SBNO2: variants seen among roughly 807,000 people sequenced by gnomAD.
SBNO2 encodes the protein strawberry notch homolog 2.
In SBNO2, 89 loss-of-function variants were observed where a neutral mutation model predicts 146.3. The observed-to-expected ratio is 0.61, with a 90% confidence interval of 0.51 to 0.73. The LOEUF (loss-of-function observed/expected upper bound fraction) is 0.73. Ranked by LOEUF, SBNO2 falls within the 30% of genes least tolerant of loss-of-function variation. SBNO2 has a pLI of 0.00. For synonymous variants in SBNO2, 1,147 were observed against 892.6 expected (o/e 1.29, Z -5.08); for missense variants, 2,092 against 2,003.7 (o/e 1.04, Z -0.84).
chr19:1,139,900 G>C (rs923740158), intron 4 of SBNO2, among the ~76,000 whole-genome samples: 3 of 152,108 alleles, frequency 2.0e-5, no homozygotes, highest in African/African-American at 7.2e-5. Context: ...AGCCGAGATA[G>C]ATCACACCAT....
intron 14 of SBNO2, 102 bp downstream of exon 14, chr19:1,118,909 C>A (rs1243233245): frequency 6.5e-6 from 8 of 1,232,956 alleles, no homozygotes; most frequent in South Asian, 4.2e-5. Context: ...CAGGACAGGG[C>A]GGGCCGTCAC....
Position 1,111,064 on chromosome 19 carries a change from T to C in SBNO2, c.2839A>G (p.Ile947Val). 2.6e-6 allele frequency: 4 copies of C among 1,562,540 alleles called. No individual in the cohort carries two copies. The highest frequency in any genetic ancestry group is 3.5e-6 in the Non-Finnish European group (4 of 1,154,584). The change falls in exon 25 of 32, where the codon ATT (isoleucine) becomes GTT (valine). Residue 947 changes from isoleucine to valine, a missense_variant. Ile to Val is a conservative substitution (Grantham distance 29, BLOSUM62 3). Coordinates refer to ENST00000361757, the MANE Select transcript of SBNO2 (RefSeq NM_014963.3). ...DMKQGLLSVG[I>V]GGRESRNGCL... ...CCATTCCGGGACTCCCGGCCACCAA[T>C]GCCCACAGACAGCAGGCCCTGCTTC...
At position 1,112,943 on chromosome 19, in the gene SBNO2, C is replaced by T. The variant is rs778394894; in HGVS notation, c.2254G>A (p.Gly752Ser). Reference protein sequence around the residue: ...GGPQRVAEMTGRKGRVVSRPD... With the variant: ...GGPQRVAEMTSRKGRVVSRPD... ...CTGGACACCACGCGGCCTTTCCTGC[C>T]GGTCATCTGCAGCCGAGACAGGGAC... The change falls in exon 20 of 32, where the codon GGC (glycine) becomes AGC (serine). Residue 752 changes from glycine to serine, a missense_variant. Coordinates refer to ENST00000361757, the MANE Select transcript of SBNO2 (RefSeq NM_014963.3). This position sits in a 1 kb window ranked among gnomAD's most constrained non-coding sequence, Gnocchi z 5.9. 1.4e-5 allele frequency: 22 copies of T among 1,562,732 alleles called. No individual in the cohort carries two copies. The highest frequency in any genetic ancestry group is 1.7e-5 in the Non-Finnish European group (20 of 1,155,198).
Position 1,111,595 on chromosome 19 carries a change from T to A in SBNO2, c.2720A>T (p.His907Leu). The change falls in exon 24 of 32, where the codon CAC becomes CTC. Residue 907 changes from histidine to leucine, a missense_variant. Physicochemically the swap from His to Leu is moderately conservative, Grantham distance 99. Coordinates refer to ENST00000361757, the MANE Select transcript of SBNO2 (RefSeq NM_014963.3). Reference sequence around the variant, plus strand: ...GCTCAGGATGGTGGTGAGGACACAGTGCAGGGCCCGGGTGCCATACTAGGG... The same window carrying A: ...GCTCAGGATGGTGGTGAGGACACAGAGCAGGGCCCGGGTGCCATACTAGGG... ...FENKYGTRAL[H>L]CVLTTILSQT... The A allele has an allele frequency of 6.3e-7, 1 of 1,591,016 alleles. No homozygotes were observed. Among genetic ancestry groups the A allele is most frequent in the Non-Finnish European group, 8.6e-7 (1 of 1,169,098 alleles).
At position 1,140,907 on chromosome 19, in the gene SBNO2, C is replaced by G. The variant is rs369069416; in HGVS notation, c.279+6402G>C. On this transcript the variant is annotated intron_variant, in intron 4 of 31. Coordinates refer to ENST00000361757, the MANE Select transcript of SBNO2 (RefSeq NM_014963.3). This position sits in a 1 kb window ranked among gnomAD's most constrained non-coding sequence, Gnocchi z 4.4. ...GCGCAACGCCAGGCACTCCGGTCCA[C>G]GCCGCACTGTACATGGTGCCGTCTG... 2.0e-5 allele frequency among the ~76,000 whole-genome samples: 3 copies of G among 152,184 alleles called. No homozygotes were observed. Among genetic ancestry groups the G allele is most frequent in the East Asian group, 3.9e-4 (2 of 5,192 alleles).
In SBNO2 at chr19:1,173,491, C is replaced by G. The variant is rs2080500730; in HGVS notation, c.-127+681G>C. Among the ~76,000 whole-genome samples, 1 of 152,156 alleles carries G rather than the reference C, an allele frequency of 6.6e-6. No individual in the cohort carries two copies. The highest frequency in any genetic ancestry group is 2.4e-5 in the African/African-American group (1 of 41,442). On this transcript the variant is annotated intron_variant, in intron 1 of 31. Coordinates refer to ENST00000361757, the MANE Select transcript of SBNO2 (RefSeq NM_014963.3). The surrounding 1 kb of genome is among the most constrained non-coding windows in gnomAD (Gnocchi z 4.7). ...GCCCCAGAAGAGAAGTCGGAGGCCCCAGGAGCGGGAGGGGCGGGGAGCAAG... is the reference window on the plus strand; with the variant it reads ...GCCCCAGAAGAGAAGTCGGAGGCCCGAGGAGCGGGAGGGGCGGGGAGCAAG...
At chr19:1,162,486 G>C (rs2080358572) in intron 1 of SBNO2, among the ~76,000 whole-genome samples, 1 of 151,840 alleles carries the variant, frequency 6.6e-6, no homozygotes, top group Non-Finnish European at 1.5e-5. Flanking sequence ...ACGCTGTTGG[G>C]GGCAGGAGCC....
chr19:1,126,287 C>T lies in SBNO2; in HGVS notation c.441+1317G>A, dbSNP rs546456426. ...CCCTCTCCTTTTTTTTTTAAGTTAA[C>T]AAAACACAAAAAAACAGACGCCACG... On this transcript the variant is annotated intron_variant, in intron 5 of 31. Transcript: ENST00000361757. The surrounding 1 kb of genome is among the most constrained non-coding windows in gnomAD (Gnocchi z 4.4). 6.6e-6 allele frequency among the ~76,000 whole-genome samples: 1 copy of T among 151,518 alleles called. No homozygotes were observed. Among genetic ancestry groups the T allele is most frequent in the Non-Finnish European group, 1.5e-5 (1 of 67,836 alleles).
At chr19:1,163,287 G>A (rs1254996031) in intron 1 of SBNO2, among the ~76,000 whole-genome samples, 2 of 152,346 alleles carry the variant, frequency 1.3e-5, no homozygotes, top group African/African-American at 2.4e-5. Context: ...ATCGGGAGAC[G>A]GCCGCATGGA....
rs762467669 is a variant in SBNO2, at chr19:1,129,448, G to A, written c.280-1683C>T. On this transcript the variant is annotated intron_variant, in intron 4 of 31. Transcript: ENST00000361757. Reference sequence around the variant, plus strand: ...AACCTGCCCCCAAACAGAGACCCCCGGGACAGAGGTGTCCATGCTGCCCGC... The same window carrying A: ...AACCTGCCCCCAAACAGAGACCCCCAGGACAGAGGTGTCCATGCTGCCCGC... Among the ~76,000 whole-genome samples, 21 of 151,988 alleles carry A rather than the reference G, an allele frequency of 1.4e-4. 1 individual carries two copies. The highest frequency in any genetic ancestry group is 2.4e-4 in the Non-Finnish European group (16 of 67,992).
Position 1,115,694 on chromosome 19 carries a change from C to T in SBNO2, c.1885+327G>A, listed in dbSNP as rs559123137. The stretch of plus-strand genomic sequence containing the variant: ...AAGCCTGGGGGTTATCAATGGGCTC[C>T]CCAAGGGACCGTGGAGACCCTGAAA... On this transcript the variant is annotated intron_variant, in intron 17 of 31. Coordinates refer to ENST00000361757, the MANE Select transcript of SBNO2 (RefSeq NM_014963.3). 57 of 451,462 alleles carry T rather than the reference C, an allele frequency of 1.3e-4. 1 individual carries two copies. Among genetic ancestry groups the T allele is most frequent in the South Asian group, 5.6e-4 (22 of 38,950 alleles). 28.0% of individuals were successfully genotyped at this position (451,462 alleles called of 1,614,324 possible).
At position 1,109,564 on chromosome 19, in the gene SBNO2, G is replaced by A. The variant is rs1273589493; in HGVS notation, c.3158C>T (p.Ala1053Val). 6.2e-7 allele frequency: 1 copy of A among 1,600,102 alleles called. No homozygotes were observed. The highest frequency in any genetic ancestry group is 8.5e-7 in the Non-Finnish European group (1 of 1,174,696). ...SVDRGLKWED[A>V]FAKSLALTGP... The stretch of plus-strand genomic sequence containing the variant: ...CGTCAGCGCCAGCGACTTGGCAAAG[G>A]CGTCCTCCCACTTCAGGCCGCGGTC... The change falls in exon 28 of 32, where the codon GCC (alanine) becomes GTC (valine). Residue 1053 changes from alanine to valine, a missense_variant. Physicochemically the swap from Ala to Val is moderately conservative, Grantham distance 64. Transcript: ENST00000361757. This position sits in a 1 kb window ranked among gnomAD's most constrained non-coding sequence, Gnocchi z 4.2.
At chr19:1,128,397 AT>A (rs776481147) in intron 4 of SBNO2, 25,295 of 245,736 alleles carry the variant, frequency 0.1, 144 homozygotes, top group South Asian at 0.15. Flanking sequence ...ACATCATTTC[AT>A]TTTTTTTTTT....
Position 1,147,347 on chromosome 19 carries a change from C to T in SBNO2, c.241G>A (p.Ala81Thr), listed in dbSNP as rs746672369. The T allele has an allele frequency of 8.0e-6, 12 of 1,496,058 alleles. No individual in the cohort carries two copies. The highest frequency in any genetic ancestry group is 3.0e-5 in the African/African-American group (2 of 66,636). The allele number at this position is 1,496,058 out of a possible 1,614,324, so 92.7% of individuals were successfully genotyped here. A position where few individuals can be genotyped will look rare whatever the true frequency, so the allele number is the denominator to read the frequency against. The part of the protein sequence containing the change: ...PDTSYAPVAT[A>T]SSLPPKTCDF... ...CAGGTCTTTGGTGGCAAGCTGGAGG[C>T]GGTGGCCACGGGGGCATAGCTGGTG... Residue 81 changes from alanine to threonine, a missense_variant, in exon 4 of 32, where the codon GCC becomes ACC. Physicochemically the swap from Ala to Thr is moderately conservative, Grantham distance 58. Coordinates refer to ENST00000361757, the MANE Select transcript of SBNO2 (RefSeq NM_014963.3).
intron 19 of SBNO2, 74 bp downstream of exon 19, chr19:1,113,461 C>T: frequency 2.3e-6 from 3 of 1,332,664 alleles, no homozygotes; most frequent in African/African-American, 1.5e-5. Context: ...ACCAGAGCTG[C>T]ACACAGCCTG....
rs777391824 is a variant in SBNO2 at position 1,115,859 on chromosome 19, A to AC, written c.1885+161dup. ...CGTTCCATGGCAGGGTCCACGCAAG[A>AC]CCTGCCACTGGCAGCGGAGCCTTGA... On this transcript the variant is annotated intron_variant, in intron 17 of 31. Coordinates refer to ENST00000361757, the MANE Select transcript of SBNO2 (RefSeq NM_014963.3). The AC allele has an allele frequency of 1.0e-5, 7 of 683,234 alleles. No individual in the cohort carries two copies. The South Asian group carries it at 1.1e-4, about 11-fold the overall frequency. 42.3% of individuals were successfully genotyped at this position (683,234 alleles called of 1,614,324 possible).
intron 4 of SBNO2, among the ~76,000 whole-genome samples, chr19:1,131,761 G>A (rs938036199): frequency 2.6e-5 from 4 of 152,178 alleles, no homozygotes; most frequent in Non-Finnish European, 5.9e-5. Context: ...CAGCCCTCCC[G>A]ACAGCCACTG....
chr19:1,133,911 G>C (rs1399107091), intron 4 of SBNO2, among the ~76,000 whole-genome samples: 1 of 152,232 alleles, frequency 6.6e-6, no homozygotes, highest in Non-Finnish European at 1.5e-5. Flanking sequence ...CTCCTCAAAA[G>C]AGGCGAATGG....
At chr19:1,127,422 G>T in intron 5 of SBNO2, 182 bp downstream of exon 5, 1 of 628,790 alleles carries the variant, frequency 1.6e-6, no homozygotes, top group Non-Finnish European at 2.8e-6. Context: ...CTCCTATTCA[G>T]GACACAAGAG....
Sources: allele counts gnomAD v4.1 joint callset (sites outside exome capture counted in the v4.1 genomes callset), GRCh38; gene constraint gnomAD v4.1.1; non-coding constraint Gnocchi (gnomAD v3.1); transcripts MANE v1.5; gene names NCBI Gene and HGNC (gene_info 2026-07-23, HGNC 2026-07-21).